SHPRH: variants seen among roughly 807,000 people sequenced by gnomAD.
SHPRH encodes E3 ubiquitin-protein ligase SHPRH.
A neutral mutation model predicts 202.5 loss-of-function variants in SHPRH; 106 were observed. The ratio of observed to expected loss-of-function variants is 0.52; its 90% confidence interval spans 0.45 to 0.62. The LOEUF is 0.62. SHPRH is among the 20% of genes least tolerant of loss of function. The pLI is 0.00. For missense variants in SHPRH, 1,710 were observed against 2,020.0 expected, an observed-to-expected ratio of 0.85 and a Z score of 2.94; for synonymous variants, 729 against 686.0, an observed-to-expected ratio of 1.06 and a Z score of -0.98.
intron 2 of SHPRH, among the ~76,000 whole-genome samples, chr6:145,873,709 AAGGAAGGGAGGGAGGGAGGG>A (rs1171005489): frequency 1.6e-5 from 2 of 125,860 alleles, no homozygotes; most frequent in African/African-American, 6.4e-5. Context: ...GGAAGGAAGG[AAGGAAGGGAGGGAGGGAGGG>A]AGGGAGGGAG....
rs1399369921 is a variant in SHPRH at position 145,895,538 on chromosome 6, T to G, written c.4516-561A>C. ...AAAGCTAGACACTTAAAACTGTGTG[T>G]TTTTTTTTTTTTGCATCTTCCATAA... On this transcript the variant is annotated intron_variant, in intron 25 of 29. Transcript: ENST00000275233. Among the ~76,000 whole-genome samples the G allele has an allele frequency of 7.7e-5, 7 of 90,400 alleles. No individual in the cohort carries two copies. In the East Asian group the frequency reaches 1.3e-3, roughly 16 times the overall value. The allele number at this position is 90,400 out of a possible 152,430, so 59.3% of individuals were successfully genotyped here.
In SHPRH at chr6:145,933,041, A is replaced by G. The variant is rs1350101902; in HGVS notation, c.3112+16T>C. On this transcript the variant is annotated intron_variant, in intron 14 of 29. Coordinates refer to ENST00000275233, the MANE Select transcript of SHPRH (RefSeq NM_001042683.3). ...AAGTGTTTGAAAGAATCAGAGATAA[A>G]GCAATCACCTTCTACCTTTAATAAT... is the stretch of plus-strand genomic sequence containing the variant. 1 of 1,610,678 alleles carries G rather than the reference A, an allele frequency of 6.2e-7. No homozygotes were observed. Among genetic ancestry groups the G allele is most frequent in the African/African-American group, 1.3e-5 (1 of 74,866 alleles).
intron 11 of SHPRH, among the ~76,000 whole-genome samples, chr6:145,938,691 CTTATT>C (rs1349305318): frequency 6.6e-6 from 1 of 151,978 alleles, no homozygotes; most frequent in African/African-American, 2.4e-5. Flanking sequence ...TTTAAAACAC[CTTATT>C]TTATAGATAA....
At chr6:145,920,476 C>T (rs1364642641) in intron 21 of SHPRH, among the ~76,000 whole-genome samples, 2 of 152,186 alleles carry the variant, frequency 1.3e-5, no homozygotes, top group East Asian at 1.9e-4. Flanking sequence ...GACATATGAA[C>T]TGATAGTACA....
At position 145,918,203 on chromosome 6, in the gene SHPRH, A is replaced by G. The variant is rs1172879397; in HGVS notation, c.4182T>C (p.Asn1394=). The part of the protein sequence containing the change: ...EVEQNRIKLL[N]DKAVATSQLQ... ...GCTGTGATGTAGCAACAGCTTTATC[A>G]TTTAGTAGTTTTATTCGGTTTTGTT... Residue 1394 remains asparagine, a synonymous_variant, in exon 23 of 30, where the codon AAT becomes AAC. Transcript: ENST00000275233. 6.3e-7 allele frequency: 1 copy of G among 1,596,476 alleles called. No individual in the cohort carries two copies. The highest frequency in any genetic ancestry group is 8.5e-7 in the Non-Finnish European group (1 of 1,172,430).
rs1303711740 is a variant in SHPRH, at chr6:145,948,341, A to G, written c.992T>C (p.Leu331Pro). Reference sequence around the variant, plus strand: ...AACAATCTCTCGCCATAAGAAGTGCAGGGCACTTTCTAAAGAAAAATATAA... The same window carrying G: ...AACAATCTCTCGCCATAAGAAGTGCGGGGCACTTTCTAAAGAAAAATATAA... ...FRSSPATESA[L>P]HFLWREIVTS... Residue 331 changes from leucine to proline, a missense_variant, in exon 5 of 30, where the codon CTG becomes CCG. Physicochemically the swap from Leu to Pro is moderately conservative, Grantham distance 98 (BLOSUM62 -3). Coordinates refer to ENST00000275233, the MANE Select transcript of SHPRH (RefSeq NM_001042683.3). 1 of 1,601,686 alleles carries G rather than the reference A, an allele frequency of 6.2e-7. No individual in the cohort carries two copies. Among genetic ancestry groups the G allele is most frequent in the Admixed American group, 1.7e-5 (1 of 58,986 alleles).
chr6:145,959,229 T>C (rs1052715938), intron 1 of SHPRH, among the ~76,000 whole-genome samples: 1 of 152,286 alleles, frequency 6.6e-6, no homozygotes, highest in Admixed American at 6.5e-5. Context: ...GGCCTTCACA[T>C]TCACTCCCTG....
chr6:145,905,255 A>C (rs1782857342), intron 25 of SHPRH: 1 of 152,298 alleles, frequency 6.6e-6, no homozygotes, highest in Non-Finnish European at 1.5e-5. Context: ...GGGCTAAGAA[A>C]GACTATCTTT....
chr6:145,882,716 G>C (rs571907975), downstream of SHPRH, among the ~76,000 whole-genome samples: 2 of 152,340 alleles, frequency 1.3e-5, no homozygotes, highest in African/African-American at 2.4e-5. Context: ...GAGATCAGAA[G>C]AGGCATGAGG....
intron 1 of SHPRH, among the ~76,000 whole-genome samples, chr6:145,958,522 T>G (rs935322994): frequency 2.6e-5 from 4 of 152,118 alleles, no homozygotes; most frequent in Non-Finnish European, 5.9e-5. Context: ...AGTGACATTA[T>G]TTACCTGCCT....
At chr6:145,906,340 T>A (rs1314477308) in intron 25 of SHPRH, 1 of 152,198 alleles carries the variant, frequency 6.6e-6, no homozygotes, top group Non-Finnish European at 1.5e-5. Context: ...CTAGCATCTT[T>A]TCTTCTCCAC....
At chr6:145,912,769 G>GA (rs1300926670) in intron 24 of SHPRH, among the ~76,000 whole-genome samples, 1 of 151,700 alleles carries the variant, frequency 6.6e-6, no homozygotes, top group Non-Finnish European at 1.5e-5. Flanking sequence ...CAGTTCCATA[G>GA]AAAAAAACAG....
chr6:145,877,887 G>A (rs1323566795), intron 2 of SHPRH: 1 of 152,118 alleles, frequency 6.6e-6, no homozygotes, highest in African/African-American at 2.4e-5. Context: ...CCCACTTTGA[G>A]TTGTCTCACC....
At chr6:145,961,802 T>C (rs1274707213) in intron 1 of SHPRH, among the ~76,000 whole-genome samples, 1 of 152,172 alleles carries the variant, frequency 6.6e-6, no homozygotes, top group Admixed American at 6.5e-5. Flanking sequence ...TGATCAAAAA[T>C]CAACCAACCA....
downstream of SHPRH, among the ~76,000 whole-genome samples, chr6:145,863,505 G>T (rs1779649340): frequency 6.6e-6 from 1 of 152,174 alleles, no homozygotes; most frequent in African/African-American, 2.4e-5. Flanking sequence ...GTGGTAATTT[G>T]TCATTTTGCA....
In SHPRH at chr6:145,921,238, A is replaced by C; in HGVS notation, c.3937T>G (p.Phe1313Val). ...CCTTCATCAACAAATTCAACATCAA[A>C]CCTATGTGATTTTGCAAATGATAGT... ...AILSFAKSHR[F>V]DVEFVDEGST... is the part of the protein sequence containing the mutation. The change falls in exon 21 of 30, where the codon TTT (phenylalanine) becomes GTT (valine). Residue 1313 changes from phenylalanine (F) to valine (V), a missense_variant. By Grantham distance (50) the Phe-to-Val change is conservative. Around this residue, in one of 8 missense-constraint regions of SHPRH, gnomAD observed 306 missense variants for 479.5 expected, o/e 0.64. Coordinates refer to ENST00000275233, the MANE Select transcript of SHPRH (RefSeq NM_001042683.3). 2 of 1,612,854 alleles carry C rather than the reference A, an allele frequency of 1.2e-6. No individual in the cohort carries two copies. Among genetic ancestry groups the C allele is most frequent in the Non-Finnish European group, 1.7e-6 (2 of 1,179,306 alleles).
At chr6:145,939,933 T>C (rs1044383653) in intron 11 of SHPRH, among the ~76,000 whole-genome samples, 4 of 152,130 alleles carry the variant, frequency 2.6e-5, no homozygotes, top group African/African-American at 7.2e-5. Context: ...GTTTTGAAGA[T>C]GAGTATTTAC....
downstream of SHPRH, among the ~76,000 whole-genome samples, chr6:145,860,578 A>G (rs1434647321): frequency 1.3e-5 from 2 of 152,000 alleles, no homozygotes; most frequent in African/African-American, 2.4e-5. Context: ...ACTTCCCCAA[A>G]CAATCTACAG....
rs748613165 is a variant in SHPRH, at chr6:145,867,631, T to TAG, written c.222-3142_222-3141dup. On this transcript the variant is annotated intron_variant, in intron 2 of 2. Coordinates refer to the SHPRH transcript ENST00000417762. The stretch of plus-strand genomic sequence containing the variant: ...ATATATATATATATATATATATATA[T>TAG]AGAGAGAGAGAGAGAGAGAGAGAGA... Among the ~76,000 whole-genome samples the TAG allele has an allele frequency of 6.3e-3, 141 of 22,314 alleles. 1 individual carries two copies. Among genetic ancestry groups the TAG allele is most frequent in the South Asian group, 0.01 (5 of 484 alleles). 14.6% of individuals were successfully genotyped at this position (22,314 alleles called of 152,430 possible).
Sources: gnomAD v4.1 joint callset for allele counts (sites outside exome capture counted in the v4.1 genomes callset) on GRCh38, gnomAD v4.1.1 for gene constraint, gnomAD v4.1.1 regional missense constraint, MANE v1.5 for transcripts, NCBI Gene and HGNC (gene_info 2026-07-23, HGNC 2026-07-21) for gene names.